The following TENM3 variants were observed in gnomAD, a reference collection of about 807,000 sequenced individuals.
TENM3 encodes teneurin transmembrane protein 3, also known as teneurin-3.
Under a neutral mutation model 255.1 loss-of-function variants are expected in TENM3, and 63 were observed. That is an observed-to-expected ratio of 0.25 (90% CI 0.20 to 0.30). The LOEUF is 0.30. Among genes scored for constraint, TENM3 ranks in the 10% least tolerant of loss-of-function variants. TENM3 has a pLI of 1.00. For synonymous variants in TENM3, 1,306 were observed against 1,322.3 expected (o/e 0.99, Z 0.27); for missense variants, 2,929 against 3,461.1 (o/e 0.85, Z 3.86).
the TENM3 span, among the ~76,000 whole-genome samples, chr4:181,857,629 G>A: frequency 2.0e-5 from 3 of 151,424 alleles, no homozygotes; most frequent in Non-Finnish European, 4.4e-5. Context: ...ATAGTGGTGT[G>A]CACCTGTAGT....
At chr4:182,065,644 C>G in the TENM3 span, among the ~76,000 whole-genome samples, 2 of 152,172 alleles carry the variant, frequency 1.3e-5, no homozygotes, top group South Asian at 4.1e-4. Flanking sequence ...TACAATTCGA[C>G]CTGAGATTTG....
the TENM3 span, among the ~76,000 whole-genome samples, chr4:181,724,696 A>T: frequency 6.6e-6 from 1 of 152,164 alleles, no homozygotes; most frequent in Admixed American, 6.5e-5. Flanking sequence ...TTGGTTGACT[A>T]TTCATATTTA....
At chr4:182,328,427 GCTGGT>G (rs1002951958) in intron 2 of TENM3, among the ~76,000 whole-genome samples, 1 of 152,038 alleles carries the variant, frequency 6.6e-6, no homozygotes, top group Admixed American at 6.5e-5. Context: ...TGTTGGCCAG[GCTGGT>G]CTCGAACTCC....
At chr4:182,134,744 C>T in the TENM3 span, among the ~76,000 whole-genome samples, 2 of 152,174 alleles carry the variant, frequency 1.3e-5, no homozygotes, top group African/African-American at 4.8e-5. Context: ...AAAGCCAGAG[C>T]TACGTCTTCA....
At chr4:182,712,027 T>A (rs532480228) in intron 12 of TENM3, among the ~76,000 whole-genome samples, 1 of 152,182 alleles carries the variant, frequency 6.6e-6, no homozygotes, top group Admixed American at 6.5e-5. Context: ...CTGGTTAACA[T>A]GTTGAGAGAA....
intron 3 of TENM3, among the ~76,000 whole-genome samples, chr4:182,462,450 C>A (rs757830406): frequency 4.8e-4 from 72 of 151,510 alleles, no homozygotes; most frequent in Middle Eastern, 3.4e-3. Flanking sequence ...AGGTCAGAGA[C>A]TGTCTTCTGC....
chr4:182,563,663 G>T (rs918634584), intron 3 of TENM3, among the ~76,000 whole-genome samples: 2 of 152,122 alleles, frequency 1.3e-5, no homozygotes, highest in Non-Finnish European at 2.9e-5. Context: ...TATTTTAACA[G>T]ATGAATAAAT....
At chr4:182,066,436 A>G in the TENM3 span, among the ~76,000 whole-genome samples, 1 of 152,132 alleles carries the variant, frequency 6.6e-6, no homozygotes, top group Non-Finnish European at 1.5e-5. Flanking sequence ...GATTTGGACA[A>G]TGGTCTGGGT....
At chr4:181,615,967 A>G in the TENM3 span, among the ~76,000 whole-genome samples, 2 of 152,198 alleles carry the variant, frequency 1.3e-5, no homozygotes, top group Non-Finnish European at 2.9e-5. Context: ...GTGGTAACTA[A>G]TAGTCTCATT....
chr4:182,726,938 AT>A (rs200821054), intron 13 of TENM3, among the ~76,000 whole-genome samples: 4 of 152,152 alleles, frequency 2.6e-5, no homozygotes, highest in African/African-American at 9.7e-5. Context: ...CTAGTATAGT[AT>A]TTTTTTAAAA....
the TENM3 span, among the ~76,000 whole-genome samples, chr4:181,963,215 C>T: frequency 6.6e-6 from 1 of 152,098 alleles, no homozygotes; most frequent in African/African-American, 2.4e-5. Context: ...CCGTCAGTGG[C>T]TATAAACAAA....
the TENM3 span, among the ~76,000 whole-genome samples, chr4:181,590,780 T>C: frequency 2.0e-5 from 3 of 152,224 alleles, no homozygotes; most frequent in African/African-American, 7.2e-5. Flanking sequence ...CTTTGATTTC[T>C]TTCTTATATG....
chr4:182,201,633 G>C (rs1210965827), intron 1 of TENM3, among the ~76,000 whole-genome samples: 1 of 151,940 alleles, frequency 6.6e-6, no homozygotes, highest in Non-Finnish European at 1.5e-5. Flanking sequence ...GCCAGCAGGA[G>C]CAGCGGAAGG....
At chr4:182,293,074 A>C (rs1042972142) in intron 1 of TENM3, among the ~76,000 whole-genome samples, 1 of 152,146 alleles carries the variant, frequency 6.6e-6, no homozygotes, top group African/African-American at 2.4e-5. Context: ...GCCTCACTAC[A>C]TTGTCTCCCA....
chr4:182,165,210 T>TTAC (rs1751622625), intron 1 of TENM3, among the ~76,000 whole-genome samples: 1 of 152,204 alleles, frequency 6.6e-6, no homozygotes, highest in Non-Finnish European at 1.5e-5. Flanking sequence ...TCCTCAGGAC[T>TTAC]TACTAGTAGG....
chr4:182,578,122 A>C (rs1745116275), intron 3 of TENM3, among the ~76,000 whole-genome samples: 1 of 151,944 alleles, frequency 6.6e-6, no homozygotes, highest in Non-Finnish European at 1.5e-5. Flanking sequence ...GATTGCAGGC[A>C]CCCACCACCA....
the TENM3 span, among the ~76,000 whole-genome samples, chr4:181,542,801 A>T: frequency 7.0e-4 from 106 of 152,266 alleles, 1 homozygote; most frequent in East Asian, 0.019. Context: ...TTCATAGTGA[A>T]TTTCAAATAT....
chr4:182,719,263 T>TC (rs1759474434), intron 13 of TENM3, among the ~76,000 whole-genome samples: 1 of 123,082 alleles, frequency 8.1e-6, no homozygotes, highest in Non-Finnish European at 1.7e-5. Flanking sequence ...TTTTTTTTTT[T>TC]TTTTTTTTTT....
At chr4:182,583,176 C>T (rs896487899) in intron 3 of TENM3, among the ~76,000 whole-genome samples, 4 of 151,766 alleles carry the variant, frequency 2.6e-5, no homozygotes, top group Non-Finnish European at 5.9e-5. Context: ...AGATCTGGCC[C>T]GAGGGAGACA....
Sources: allele counts gnomAD v4.1 joint callset (sites outside exome capture counted in the v4.1 genomes callset), GRCh38; gene constraint gnomAD v4.1.1; transcripts MANE v1.5; gene names NCBI Gene and HGNC (gene_info 2026-07-23, HGNC 2026-07-21).